Variants in TEX2 observed in about 807,000 individuals in gnomAD.
The protein encoded by TEX2 is testis-expressed protein 2.
A neutral mutation model predicts 106.9 loss-of-function variants in TEX2; 53 were observed. The observed-to-expected ratio is 0.50, with a 90% CI of 0.40 to 0.62. TEX2 has a LOEUF of 0.62. Among genes scored for constraint, TEX2 ranks in the 20% least tolerant of loss-of-function variants. TEX2 has a pLI of 0.00. For missense variants in TEX2, 1,207 were observed against 1,379.0 expected (o/e 0.88, Z 1.98); for synonymous variants, 523 against 534.8 (o/e 0.98, Z 0.30).
At chr17:64,244,266 A>G (rs2033947078) in intron 1 of TEX2, among the ~76,000 whole-genome samples, 1 of 152,152 alleles carries the variant, frequency 6.6e-6, no homozygotes, top group South Asian at 2.1e-4. Context: ...CTGAGAACTA[A>G]CACACAATCC....
chr17:64,238,625 G>A (rs1450189417), intron 1 of TEX2, among the ~76,000 whole-genome samples: 3 of 152,198 alleles, frequency 2.0e-5, no homozygotes, highest in South Asian at 2.1e-4. Context: ...AGTGCCAAGC[G>A]AAGGGGGAAG....
intron 11 of TEX2, 35 bp from the exon 12 acceptor site, chr17:64,149,126 G>A (rs1176041111): frequency 2.5e-6 from 4 of 1,607,324 alleles, no homozygotes; most frequent in Non-Finnish European, 3.4e-6. Flanking sequence ...CTATGTGGAA[G>A]AATGCCTTGC....
At chr17:64,165,599 C>T (rs1005024724) in intron 7 of TEX2, among the ~76,000 whole-genome samples, 2 of 152,248 alleles carry the variant, frequency 1.3e-5, no homozygotes, top group Admixed American at 1.3e-4. Flanking sequence ...TCTTGAAGCA[C>T]GTGTGGCAGG....
Position 64,212,801 on chromosome 17 carries a change from C to T in TEX2, c.1417G>A (p.Val473Met). Residue 473 changes from valine (V) to methionine (M), a missense_variant, in exon 2 of 12, where the codon GTG becomes ATG. Val to Met is a conservative substitution (Grantham distance 21). This residue lies in a region of TEX2 where 1,067 missense variants were observed against 1,193.6 expected (regional missense o/e 0.89). Coordinates refer to ENST00000584379, the MANE Select transcript of TEX2 (RefSeq NM_001288732.2). ...DSAVQHPELP[V>M]KTLGFFIMCV... ...ATTATAAAGAAGCCCAACGTCTTCA[C>T]TGGCAATTCCGGGTGCTGCACGGCC... 1.9e-6 allele frequency: 3 copies of T among 1,614,158 alleles called. No individual in the cohort carries two copies. The highest frequency in any genetic ancestry group is 4.5e-5 in the East Asian group (2 of 44,890).
Position 64,190,588 on chromosome 17 carries a change from G to A in TEX2, c.2177-2173C>T, listed in dbSNP as rs1236064177. 3.9e-5 allele frequency among the ~76,000 whole-genome samples: 6 copies of A among 152,126 alleles called. No homozygotes were observed. The South Asian group carries it at 6.2e-4, about 16-fold the overall frequency. On this transcript the variant is annotated intron_variant, in intron 4 of 11. Transcript: ENST00000584379. ...CTGAGTGGGACAAAGCACAGGAGTCGTCACTGCACTGTGGGTCTCATGGAC... is the reference window on the plus strand; with the variant it reads ...CTGAGTGGGACAAAGCACAGGAGTCATCACTGCACTGTGGGTCTCATGGAC...
At position 64,185,311 on chromosome 17, in the gene TEX2, T is replaced by C. The variant is rs913284295; in HGVS notation, c.2424+2857A>G. 6.6e-6 allele frequency among the ~76,000 whole-genome samples: 1 copy of C among 152,140 alleles called. No homozygotes were observed. The highest frequency in any genetic ancestry group is 2.4e-5 in the African/African-American group (1 of 41,418). On this transcript the variant is annotated intron_variant, in intron 5 of 11. Transcript: ENST00000584379. The surrounding 1 kb of genome is among the most constrained non-coding windows in gnomAD (Gnocchi z 4.0). Reference sequence around the variant, plus strand: ...TGGAGGACAGGAACCATGGCCTCTCTCCCAGGCAGGCAATGCAGGGCACAC... The same window carrying C: ...TGGAGGACAGGAACCATGGCCTCTCCCCCAGGCAGGCAATGCAGGGCACAC...
intron 5 of TEX2, 81 bp from the exon 6 acceptor site, chr17:64,177,552 A>C: frequency 2.0e-6 from 3 of 1,482,058 alleles, no homozygotes; most frequent in Non-Finnish European, 2.7e-6. Flanking sequence ...AAGTCACTGA[A>C]GGTCCCTCCT....
chr17:64,196,981 G>GGT (rs2032490681), intron 2 of TEX2, among the ~76,000 whole-genome samples: 2 of 41,730 alleles, frequency 4.8e-5, no homozygotes, highest in Admixed American at 6.4e-4. Flanking sequence ...GTCAAATCAA[G>GGT]ATTTTTTTTT....
At chr17:64,239,904 A>AAAAAAAAAAAAAAAAAAAAAAAAAAAAG (rs781859721) in intron 1 of TEX2, among the ~76,000 whole-genome samples, 1 of 118,790 alleles carries the variant, frequency 8.4e-6, no homozygotes, top group Non-Finnish European at 1.8e-5. Flanking sequence ...AAAAAAAAAA[A>AAAAAAAAAAAAAAAAAAAAAAAAAAAAG]GCAGAGAAGA....
chr17:64,252,935 A>C (rs1281079850), intron 1 of TEX2, among the ~76,000 whole-genome samples: 1 of 152,130 alleles, frequency 6.6e-6, no homozygotes, highest in Non-Finnish European at 1.5e-5. Context: ...GCTCCTAAAA[A>C]GTCTAGCTCC....
chr17:64,204,838 T>C (rs188213998), intron 2 of TEX2, among the ~76,000 whole-genome samples: 6 of 152,264 alleles, frequency 3.9e-5, no homozygotes, highest in African/African-American at 1.2e-4. Context: ...TACTTATATA[T>C]AGGTAACCAG....
chr17:64,219,859 G>A (rs1555633081), intron 1 of TEX2, among the ~76,000 whole-genome samples: 1 of 152,208 alleles, frequency 6.6e-6, no homozygotes, highest in African/African-American at 2.4e-5. Context: ...ACTCAGAGAC[G>A]TCCACATCCT....
intron 2 of TEX2, among the ~76,000 whole-genome samples, chr17:64,201,397 A>T (rs2032655204): frequency 6.6e-6 from 1 of 152,220 alleles, no homozygotes; most frequent in South Asian, 2.1e-4. Flanking sequence ...AATCATAAGC[A>T]TATGGTTTTT....
intron 1 of TEX2, among the ~76,000 whole-genome samples, chr17:64,245,993 C>T (rs2143442385): frequency 6.6e-6 from 1 of 152,284 alleles, no homozygotes; most frequent in South Asian, 2.1e-4. Flanking sequence ...GTTTCTTAAG[C>T]AGAGTCTCCC....
chr17:64,159,900 C>G (rs868510106), intron 8 of TEX2, among the ~76,000 whole-genome samples: 3 of 152,186 alleles, frequency 2.0e-5, no homozygotes, highest in Middle Eastern at 6.8e-3. Context: ...TAACCCAGCT[C>G]CCCCAATCTG....
chr17:64,223,101 A>C (rs2143215050), intron 1 of TEX2, among the ~76,000 whole-genome samples: 1 of 152,294 alleles, frequency 6.6e-6, no homozygotes, highest in South Asian at 2.1e-4. Context: ...GCTGCCATCT[A>C]ACTTGAACTC....
In TEX2 at chr17:64,214,150, A is replaced by C. The variant is rs531838924; in HGVS notation, c.68T>G (p.Val23Gly). 22 of 1,614,022 alleles carry C rather than the reference A, an allele frequency of 1.4e-5. No individual in the cohort carries two copies. The South Asian group carries it at 2.3e-4, about 17-fold the overall frequency. The change falls in exon 2 of 12, where the codon GTG becomes GGG. Residue 23 changes from valine to glycine, a missense_variant. This residue lies in a region of TEX2 where 1,067 missense variants were observed against 1,193.6 expected (regional missense o/e 0.89). Transcript: ENST00000584379. ...TCGGGACACGGACCTCTGCACGTGCACTTTAGGGGCTGATGGTTTTGGCAT... is the reference window on the plus strand; with the variant it reads ...TCGGGACACGGACCTCTGCACGTGCCCTTTAGGGGCTGATGGTTTTGGCAT... ...TDMPKPSAPK[V>G]HVQRSVSRDT...
chr17:64,188,439 A>G (rs2032166294), intron 4 of TEX2, 24 bp from the exon 5 acceptor site: 1 of 1,611,420 alleles, frequency 6.2e-7, no homozygotes, highest in Non-Finnish European at 8.5e-7. Flanking sequence ...GACGGGGGCT[A>G]TTCACACAAT....
At chr17:64,242,978 G>A (rs1465334705) in intron 1 of TEX2, among the ~76,000 whole-genome samples, 4 of 151,508 alleles carry the variant, frequency 2.6e-5, no homozygotes, top group Non-Finnish European at 4.4e-5. Context: ...ACCCAGGCTG[G>A]AGTGCAGTGG....
Sources: allele counts gnomAD v4.1 joint callset (sites outside exome capture counted in the v4.1 genomes callset), GRCh38; gene constraint gnomAD v4.1.1; regional missense constraint gnomAD v4.1.1; non-coding constraint Gnocchi (gnomAD v3.1); transcripts MANE v1.5; gene names NCBI Gene and HGNC (gene_info 2026-07-23, HGNC 2026-07-21).